Variants in FOXF1 observed in about 807,000 individuals in gnomAD.
FOXF1 encodes the protein forkhead box protein F1.
A neutral mutation model predicts 26.6 loss-of-function variants in FOXF1; 9 were observed. That is an observed-to-expected ratio of 0.34 (90% CI 0.20 to 0.59). The LOEUF is 0.59. FOXF1 is among the 20% of genes least tolerant of loss of function. The pLI is 0.83. For missense variants in FOXF1, 499 were observed against 549.9 expected, an observed-to-expected ratio of 0.91 and a Z score of 0.93; for synonymous variants, 330 against 257.7, an observed-to-expected ratio of 1.28 and a Z score of -2.69.
chr16:86,513,749 A>G lies in FOXF1; in HGVS notation c.*664A>G, dbSNP rs1064259. ...ACTGTCCGTCTTTAAACAGAAAGTC[A>G]AAGGAGCCACGAAGCAAGCGGCCGT... is the stretch of plus-strand genomic sequence containing the variant. On this transcript the variant is annotated 3_prime_UTR_variant, in exon 2 of 2. Coordinates refer to ENST00000262426, the MANE Select transcript of FOXF1 (RefSeq NM_001451.3). 123,654 of 152,266 alleles carry G rather than the reference A, an allele frequency of 0.81. 50,413 individuals carry two copies. Among genetic ancestry groups the G allele is most frequent in the East Asian group, 0.88 (4,566 of 5,170 alleles). The allele number at this position is 152,266 out of a possible 1,614,324, so 9.4% of individuals were successfully genotyped here.
rs1302198326 is a variant in FOXF1 at position 86,513,252 on chromosome 16, G to A, written c.*167G>A. On this transcript the variant is annotated 3_prime_UTR_variant, in exon 2 of 2. Transcript: ENST00000262426. Reference sequence around the variant, plus strand: ...GGAGTCCCCAATGCAAAGACACAGCGCTGCGGTTGGCACCTCCTTCCTCAC... The same window carrying A: ...GGAGTCCCCAATGCAAAGACACAGCACTGCGGTTGGCACCTCCTTCCTCAC... 5 of 653,434 alleles carry A rather than the reference G, an allele frequency of 7.7e-6. No homozygotes were observed. Among genetic ancestry groups the A allele is most frequent in the South Asian group, 1.9e-5 (1 of 53,084 alleles). 40.5% of individuals were successfully genotyped at this position (653,434 alleles called of 1,614,324 possible).
At position 86,511,763 on chromosome 16, in the gene FOXF1, T is replaced by C. The variant is rs570790052; in HGVS notation, c.979+215T>C. Among the ~76,000 whole-genome samples the C allele has an allele frequency of 2.6e-5, 4 of 152,344 alleles. No homozygotes were observed. In the South Asian group the frequency reaches 8.3e-4, roughly 32 times the overall value. On this transcript the variant is annotated intron_variant, in intron 1 of 1. Transcript: ENST00000262426. ...GTTTGGGCCAATCTGTTTCTCTTTC[T>C]GTTCGAACTCCAGCTGCCAGCTGCT... is the stretch of plus-strand genomic sequence containing the variant.
At chr16:86,512,128 G>A (rs1969575978) in intron 1 of FOXF1, among the ~76,000 whole-genome samples, 1 of 152,246 alleles carries the variant, frequency 6.6e-6, no homozygotes, top group East Asian at 1.9e-4. Flanking sequence ...GGGTGCCGTG[G>A]CCAGGCCCCG....
chr16:86,510,577 C>A lies in FOXF1; in HGVS notation c.8C>A (p.Ser3Ter). The change falls in exon 1 of 2, where the codon TCG becomes TAG. Residue 3 changes from serine to a stop codon, truncating the protein, a stop_gained. Coordinates refer to ENST00000262426, the MANE Select transcript of FOXF1 (RefSeq NM_001451.3). LOFTEE classifies it high-confidence loss of function. MS[S>*]APEKQQPPHG... ...GGCGGCAGCAGCCACCCGATGTCTT[C>A]GGCGCCCGAGAAGCAGCAGCCACCG... 7.3e-7 allele frequency: 1 copy of A among 1,370,578 alleles called. No individual in the cohort carries two copies. 84.9% of individuals were successfully genotyped at this position (1,370,578 alleles called of 1,614,324 possible). A position where few individuals can be genotyped will look rare whatever the true frequency, so the allele number is the denominator to read the frequency against.
In FOXF1 at chr16:86,511,257, G is replaced by T; in HGVS notation, c.688G>T (p.Gly230Cys). The T allele has an allele frequency of 6.6e-7, 1 of 1,519,816 alleles. No individual in the cohort carries two copies. Among genetic ancestry groups the T allele is most frequent in the Non-Finnish European group, 8.8e-7 (1 of 1,140,386 alleles). The allele number at this position is 1,519,816 out of a possible 1,614,324, so 94.1% of individuals were successfully genotyped here. Residue 230 changes from glycine to cysteine, a missense_variant, in exon 1 of 2, where the codon GGC becomes TGC. Gly to Cys is a radical substitution (Grantham distance 159). Transcript: ENST00000262426. ...GGHSYMGGCGGAAAGEYPHHD... is the reference protein window; with the variant it reads ...GGHSYMGGCGCAAAGEYPHHD... ...CCACTCGTACATGGGCGGCTGCGGC[G>T]GCGCGGCGGCCGGCGAGTACCCGCA...
Position 86,510,827 on chromosome 16 carries a change from G to A in FOXF1, c.258G>A (p.Arg86=). ...TGCAGAGCCGCTTCCCCTTCTTCCG[G>A]GGCTCCTACCAGGGCTGGAAGAACT... ...QFLQSRFPFF[R]GSYQGWKNSV... is the part of the protein sequence containing the mutation. The change falls in exon 1 of 2, where the codon CGG becomes CGA. Residue 86 remains arginine, a synonymous_variant. Transcript: ENST00000262426. The A allele has an allele frequency of 1.2e-6, 2 of 1,614,106 alleles. No individual in the cohort carries two copies. The highest frequency in any genetic ancestry group is 1.7e-6 in the Non-Finnish European group (2 of 1,180,034).
chr16:86,511,269 G>A lies in FOXF1; in HGVS notation c.700G>A (p.Gly234Ser). 1 of 1,520,974 alleles carries A rather than the reference G, an allele frequency of 6.6e-7. No individual in the cohort carries two copies. The highest frequency in any genetic ancestry group is 8.8e-7 in the Non-Finnish European group (1 of 1,140,962). 94.2% of individuals were successfully genotyped at this position (1,520,974 alleles called of 1,614,324 possible). The change falls in exon 1 of 2, where the codon GGC becomes AGC. Residue 234 changes from glycine to serine, a missense_variant. Physicochemically the swap from Gly to Ser is moderately conservative, Grantham distance 56 (BLOSUM62 0). This residue lies in a region of FOXF1 where 367 missense variants were observed against 324.8 expected (regional missense o/e 1.13). Transcript: ENST00000262426. Reference protein sequence around the residue: ...YMGGCGGAAAGEYPHHDSSVP... With the variant: ...YMGGCGGAAASEYPHHDSSVP... Reference sequence around the variant, plus strand: ...GGGCGGCTGCGGCGGCGCGGCGGCCGGCGAGTACCCGCACCACGACAGCTC... The same window carrying A: ...GGGCGGCTGCGGCGGCGCGGCGGCCAGCGAGTACCCGCACCACGACAGCTC...
At position 86,514,880 on chromosome 16, in the gene FOXF1, G is replaced by T. The variant is rs938766603; in HGVS notation, c.*1795G>T. On this transcript the variant is annotated 3_prime_UTR_variant, in exon 2 of 2. Transcript: ENST00000262426. ...CCATGTACATAATATATATTTTTTTGCCACTACAAGACCAATGAGAGTTTT... is the reference window on the plus strand; with the variant it reads ...CCATGTACATAATATATATTTTTTTTCCACTACAAGACCAATGAGAGTTTT... The T allele has an allele frequency of 6.6e-6, 1 of 151,690 alleles. No individual in the cohort carries two copies. The highest frequency in any genetic ancestry group is 2.4e-5 in the African/African-American group (1 of 41,272). 9.4% of individuals were successfully genotyped at this position (151,690 alleles called of 1,614,324 possible).
chr16:86,514,031 G>T lies in FOXF1; in HGVS notation c.*946G>T, dbSNP rs764357344. The T allele has an allele frequency of 6.6e-6, 1 of 152,176 alleles. No homozygotes were observed. Among genetic ancestry groups the T allele is most frequent in the Non-Finnish European group, 1.5e-5 (1 of 68,030 alleles). 9.4% of individuals were successfully genotyped at this position (152,176 alleles called of 1,614,324 possible). A position where few individuals can be genotyped will look rare whatever the true frequency, so the allele number is the denominator to read the frequency against. ...AGGCACTTTTAAAAACTATAGCAAG[G>T]CTCCTGTTTATTTATTCTACTTTCT... On this transcript the variant is annotated 3_prime_UTR_variant, in exon 2 of 2. Transcript: ENST00000262426.
At position 86,511,361 on chromosome 16, in the gene FOXF1, G is replaced by C. The variant is rs1200549295; in HGVS notation, c.792G>C (p.Ser264=). 1.9e-6 allele frequency: 3 copies of C among 1,565,390 alleles called. No individual in the cohort carries two copies. Among genetic ancestry groups the C allele is most frequent in the Admixed American group, 3.6e-5 (2 of 55,252 alleles). ...GGVMEPHAVY[S]GSAAAWPPSA... ...TCATGGAGCCGCACGCCGTCTACTC[G>C]GGCTCGGCGGCGGCCTGGCCGCCCT... The change falls in exon 1 of 2, where the codon TCG becomes TCC. Residue 264 remains serine, a synonymous_variant. Transcript: ENST00000262426.
intron 1 of FOXF1, among the ~76,000 whole-genome samples, chr16:86,512,072 G>A (rs1165031348): frequency 2.0e-5 from 3 of 152,262 alleles, no homozygotes; most frequent in African/African-American, 7.2e-5. Flanking sequence ...AGACCTGGCA[G>A]ACCCACAGCT....
In FOXF1 at chr16:86,511,259, C is replaced by G. The variant is rs1969558274; in HGVS notation, c.690C>G (p.Gly230=). 2 of 1,518,636 alleles carry G rather than the reference C, an allele frequency of 1.3e-6. No homozygotes were observed. Among genetic ancestry groups the G allele is most frequent in the Non-Finnish European group, 8.8e-7 (1 of 1,139,950 alleles). 94.1% of individuals were successfully genotyped at this position (1,518,636 alleles called of 1,614,324 possible). Residue 230 remains glycine, a synonymous_variant, in exon 1 of 2, where the codon GGC becomes GGG. Transcript: ENST00000262426. The stretch of plus-strand genomic sequence containing the variant: ...ACTCGTACATGGGCGGCTGCGGCGG[C>G]GCGGCGGCCGGCGAGTACCCGCACC... The part of the protein sequence containing the change: ...GGHSYMGGCG[G]AAAGEYPHHD...
Position 86,514,182 on chromosome 16 carries a change from G to A in FOXF1, c.*1097G>A, listed in dbSNP as rs1245450685. ...CCATTGTAAATTTGAAACAAAGACC[G>A]ATCTGTGTAAAAACAAATTTCCATA... On this transcript the variant is annotated 3_prime_UTR_variant, in exon 2 of 2. Coordinates refer to ENST00000262426, the MANE Select transcript of FOXF1 (RefSeq NM_001451.3). The A allele has an allele frequency of 6.6e-6, 1 of 151,578 alleles. No individual in the cohort carries two copies. Among genetic ancestry groups the A allele is most frequent in the African/African-American group, 2.4e-5 (1 of 41,280 alleles). The allele number at this position is 151,578 out of a possible 1,614,324, so 9.4% of individuals were successfully genotyped here.
chr16:86,512,712 A>AGGCAGGCC lies in FOXF1; in HGVS notation c.980-211_980-204dup, dbSNP rs1231725179. On this transcript the variant is annotated intron_variant, in intron 1 of 1. Transcript: ENST00000262426. The stretch of plus-strand genomic sequence containing the variant: ...GCAGCAGGCAGGCAGGCAGGCAGGC[A>AGGCAGGCC]GGCAGGCCGTGGCAAGTGTTCTGGA... Among the ~76,000 whole-genome samples, 4 of 148,512 alleles carry AGGCAGGCC rather than the reference A, an allele frequency of 2.7e-5. No individual in the cohort carries two copies. The East Asian group carries it at 8.0e-4, about 30-fold the overall frequency.
rs1969558413 is a variant in FOXF1 at position 86,511,264 on chromosome 16, C to A, written c.695C>A (p.Ala232Glu). 2 of 1,519,424 alleles carry A rather than the reference C, an allele frequency of 1.3e-6. No individual in the cohort carries two copies. The highest frequency in any genetic ancestry group is 1.2e-5 in the South Asian group (1 of 81,310). 94.1% of individuals were successfully genotyped at this position (1,519,424 alleles called of 1,614,324 possible). Residue 232 changes from alanine (A) to glutamate (E), a missense_variant, in exon 1 of 2, where the codon GCG becomes GAG. Physicochemically the swap from Ala to Glu is moderately radical, Grantham distance 107. Coordinates refer to ENST00000262426, the MANE Select transcript of FOXF1 (RefSeq NM_001451.3). ...TACATGGGCGGCTGCGGCGGCGCGG[C>A]GGCCGGCGAGTACCCGCACCACGAC... ...HSYMGGCGGAAAGEYPHHDSS... is the reference protein window; with the variant it reads ...HSYMGGCGGAEAGEYPHHDSS...
chr16:86,513,429 C>T lies in FOXF1; in HGVS notation c.*344C>T. ...ACACAGGAATTCTGCTGAGGTCCCC[C>T]CTCCTTCCGGCCAATGGCAGAAGTG... On this transcript the variant is annotated 3_prime_UTR_variant, in exon 2 of 2. Transcript: ENST00000262426. 3.3e-6 allele frequency: 1 copy of T among 301,088 alleles called. No homozygotes were observed. The highest frequency in any genetic ancestry group is 4.7e-5 in the Admixed American group (1 of 21,358). 18.7% of individuals were successfully genotyped at this position (301,088 alleles called of 1,614,324 possible).
chr16:86,513,670 T>G lies in FOXF1; in HGVS notation c.*585T>G, dbSNP rs986203642. On this transcript the variant is annotated 3_prime_UTR_variant, in exon 2 of 2. Coordinates refer to ENST00000262426, the MANE Select transcript of FOXF1 (RefSeq NM_001451.3). ...GATCTCCCTCCCCACCTCCGAAGTC[T>G]CCTCCGTGGACCACAGGTGGATCTT... The G allele has an allele frequency of 7.2e-5, 11 of 153,222 alleles. No individual in the cohort carries two copies. Among genetic ancestry groups the G allele is most frequent in the African/African-American group, 2.7e-4 (11 of 41,402 alleles). The allele number at this position is 153,222 out of a possible 1,614,324, so 9.5% of individuals were successfully genotyped here.
At position 86,514,718 on chromosome 16, in the gene FOXF1, G is replaced by A. The variant is rs749739862; in HGVS notation, c.*1633G>A. 3.3e-5 allele frequency: 5 copies of A among 152,010 alleles called. No homozygotes were observed. Among genetic ancestry groups the A allele is most frequent in the African/African-American group, 7.2e-5 (3 of 41,386 alleles). 9.4% of individuals were successfully genotyped at this position (152,010 alleles called of 1,614,324 possible). A position where few individuals can be genotyped will look rare whatever the true frequency, so the allele number is the denominator to read the frequency against. The stretch of plus-strand genomic sequence containing the variant: ...TTTGCCCCTCTAAATGTCATTGATC[G>A]TTTTAAAGAAATAAACTTTTAAAGA... On this transcript the variant is annotated 3_prime_UTR_variant, in exon 2 of 2. Coordinates refer to ENST00000262426, the MANE Select transcript of FOXF1 (RefSeq NM_001451.3).
Position 86,511,051 on chromosome 16 carries a change from T to C in FOXF1, c.482T>C (p.Leu161Pro). ...LKPMYSMMNG[L>P]GFNHLPDTYG... ...CCCATGTACAGCATGATGAACGGGC[T>C]CGGCTTCAACCACCTCCCGGACACC... The change falls in exon 1 of 2, where the codon CTC (leucine) becomes CCC (proline). Residue 161 changes from leucine (L) to proline (P), a missense_variant. Physicochemically the swap from Leu to Pro is moderately conservative, Grantham distance 98. Transcript: ENST00000262426. The C allele has an allele frequency of 1.2e-6, 2 of 1,611,138 alleles. No homozygotes were observed. The highest frequency in any genetic ancestry group is 4.5e-5 in the East Asian group (2 of 44,802).
Sources: gnomAD v4.1 joint callset for allele counts (sites outside exome capture counted in the v4.1 genomes callset) on GRCh38, gnomAD v4.1.1 for gene constraint, gnomAD v4.1.1 regional missense constraint, MANE v1.5 for transcripts, NCBI Gene and HGNC (gene_info 2026-07-23, HGNC 2026-07-21) for gene names.